Variants in NOP16 observed in about 807,000 individuals in gnomAD.
The protein encoded by NOP16 is nucleolar protein 16.
In NOP16, 14 loss-of-function variants were observed where a neutral mutation model predicts 22.7. That is an observed-to-expected ratio of 0.62 (90% CI 0.41 to 0.97). The LOEUF is 0.97. NOP16 is among the 50% of genes least tolerant of loss of function. NOP16 has a pLI of 0.00. For missense variants in NOP16, 198 were observed against 235.9 expected (o/e 0.84, Z 1.05); for synonymous variants, 80 against 83.6 (o/e 0.96, Z 0.23).
chr5:176,383,950 A>G lies in NOP16; in HGVS notation c.*281T>C. On this transcript the variant is annotated 3_prime_UTR_variant, in exon 5 of 5. Transcript: ENST00000614830. ...AATACAAAATCATCAGAGAAGTAAA[A>G]TATATTTGCTTTATTATGTACACAC... 6.7e-7 allele frequency: 1 copy of G among 1,488,838 alleles called. No homozygotes were observed. The highest frequency in any genetic ancestry group is 8.9e-7 in the Non-Finnish European group (1 of 1,126,184). The allele number at this position is 1,488,838 out of a possible 1,614,324, so 92.2% of individuals were successfully genotyped here.
chr5:176,386,490 G>A (rs981154285), intron 3 of NOP16: 2 of 368,636 alleles, frequency 5.4e-6, no homozygotes, highest in African/African-American at 4.2e-5. Flanking sequence ...TTTGTCATTG[G>A]AACATTTATT....
chr5:176,388,093 G>T, intron 2 of NOP16, 142 bp downstream of exon 2: 1 of 632,888 alleles, frequency 1.6e-6, no homozygotes, highest in Non-Finnish European at 2.8e-6. Flanking sequence ...CTCAACGTCA[G>T]TTGAGCGTTC....
chr5:176,386,724 A>G, intron 3 of NOP16, 116 bp downstream of exon 3: 1 of 888,342 alleles, frequency 1.1e-6, no homozygotes, highest in Non-Finnish European at 1.9e-6. Flanking sequence ...GAACCAGCTC[A>G]CTTCTCCCCT....
At chr5:176,385,750 G>T (rs1755791673) in intron 3 of NOP16, among the ~76,000 whole-genome samples, 1 of 152,174 alleles carries the variant, frequency 6.6e-6, no homozygotes, top group East Asian at 1.9e-4. Flanking sequence ...AAATGGGACG[G>T]TCTAAATACA....
chr5:176,388,276 C>T lies in NOP16; in HGVS notation c.175G>A (p.Ala59Thr). 6.2e-7 allele frequency: 1 copy of T among 1,614,154 alleles called. No homozygotes were observed. Among genetic ancestry groups the T allele is most frequent in the South Asian group, 1.1e-5 (1 of 91,090 alleles). The change falls in exon 2 of 5, where the codon GCT (alanine) becomes ACT (threonine). Residue 59 changes from alanine to threonine, a missense_variant. Physicochemically the swap from Ala to Thr is moderately conservative, Grantham distance 58. Transcript: ENST00000614830. ...GGCACCGCCCTGTTGGGGTCCACAG[C>T]CAACCCCATCTCGGCCAGGTTCTGC... The part of the protein sequence containing the change: ...VRQNLAEMGL[A>T]VDPNRAVPLR...
At position 176,385,255 on chromosome 5, in the gene NOP16, C is replaced by CGG. The variant is rs1755743948; in HGVS notation, c.358_359insCC (p.Arg120ProfsTer5). ...CTCCCCGTGGTTCTCTACCATGTAG[C>CGG]GTACATAGTCAATGAGGTCCCGAGA... On this transcript the variant is annotated frameshift_variant, in exon 4 of 5. Transcript: ENST00000614830. LOFTEE classifies it high-confidence loss of function. 4 of 1,610,906 alleles carry CGG rather than the reference C, an allele frequency of 2.5e-6. No individual in the cohort carries two copies. The highest frequency in any genetic ancestry group is 3.4e-6 in the Non-Finnish European group (4 of 1,177,114).
intron 4 of NOP16, 95 bp downstream of exon 4, chr5:176,385,126 A>G (rs781322768): frequency 1.3e-6 from 1 of 784,606 alleles, no homozygotes. Flanking sequence ...CTTTCTTTGC[A>G]CTCGGTTTCA....
chr5:176,388,091 C>T (rs769718540), intron 2 of NOP16, 144 bp downstream of exon 2: 2 of 626,426 alleles, frequency 3.2e-6, no homozygotes, highest in Non-Finnish European at 5.7e-6. Context: ...TGCTCAACGT[C>T]AGTTGAGCGT....
intron 4 of NOP16, 182 bp from the exon 5 acceptor site, chr5:176,384,556 G>A (rs879266394): frequency 1.6e-6 from 1 of 622,962 alleles, no homozygotes; most frequent in Non-Finnish European, 2.7e-6. Context: ...GGAGGCCGAG[G>A]TGGGAGGATC....
intron 3 of NOP16, 172 bp downstream of exon 3, chr5:176,386,668 A>G (rs750599831): frequency 1.4e-5 from 10 of 710,824 alleles, no homozygotes; most frequent in African/African-American, 1.7e-5. Flanking sequence ...AGTCAGTACA[A>G]TGAAAAATGA....
chr5:176,385,452 T>C, intron 3 of NOP16, 125 bp from the exon 4 acceptor site: 2 of 639,074 alleles, frequency 3.1e-6, no homozygotes, highest in Non-Finnish European at 5.6e-6. Flanking sequence ...CACCTGGGGG[T>C]CTTTGCCTCC....
chr5:176,387,373 T>C (rs1419538566), intron 2 of NOP16, among the ~76,000 whole-genome samples: 1 of 152,228 alleles, frequency 6.6e-6, no homozygotes, highest in Non-Finnish European at 1.5e-5. Flanking sequence ...ACTTTGTGTT[T>C]TGTTCTCTAT....
In NOP16 at chr5:176,384,254, T is replaced by G. The variant is rs556727834; in HGVS notation, c.514A>C (p.Lys172Gln). 80 of 1,614,190 alleles carry G rather than the reference T, an allele frequency of 5.0e-5. No homozygotes were observed. Among genetic ancestry groups the G allele is most frequent in the Non-Finnish European group, 6.3e-5 (74 of 1,180,020 alleles). Residue 172 changes from lysine (K) to glutamine (Q), a missense_variant, in exon 5 of 5, where the codon AAG becomes CAG. Transcript: ENST00000614830. ...EWQDFLDSLQ[K>Q]RKMEVE ...AGTCACTCCACCTCCATCTTCCTCT[T>G]CTGCAAAGAATCGAGGAAGTCTTGC... is the stretch of plus-strand genomic sequence containing the variant.
rs373443716 is a variant in NOP16 at position 176,387,165 on chromosome 5, C to G, written c.217-256G>C. ...GTGGCACAATCTTGGTTGACTGCAA[C>G]CTCCCCCCGGGTTCAAGTGATCTCC... On this transcript the variant is annotated intron_variant, in intron 2 of 4. Transcript: ENST00000614830. 2.0e-5 allele frequency among the ~76,000 whole-genome samples: 3 copies of G among 151,976 alleles called. No homozygotes were observed. In the East Asian group the frequency reaches 5.8e-4, roughly 29 times the overall value.
intron 1 of NOP16, 45 bp from the exon 2 acceptor site, chr5:176,388,388 G>A (rs779424803): frequency 6.2e-7 from 1 of 1,612,296 alleles, no homozygotes; most frequent in Non-Finnish European, 8.5e-7. Flanking sequence ...CTCGCGGACC[G>A]TCCCGGCCGA....
At chr5:176,384,518 G>T in intron 4 of NOP16, 144 bp from the exon 5 acceptor site, 1 of 772,658 alleles carries the variant, frequency 1.3e-6, no homozygotes, top group Non-Finnish European at 2.1e-6. Flanking sequence ...CGGGCACAGT[G>T]GCTCATGCCT....
In NOP16 at chr5:176,385,342, G is replaced by A; in HGVS notation, c.287-15C>T. On this transcript the variant is annotated splice_polypyrimidine_tract_variant and intron_variant, in intron 3 of 4. Coordinates refer to ENST00000614830, the MANE Select transcript of NOP16 (RefSeq NM_016391.8). ...TGCCTCCAGGTCTGGAGTGATGAGAGAAGCGGGGAGACAGGGAATGAGGCT... is the reference window on the plus strand; with the variant it reads ...TGCCTCCAGGTCTGGAGTGATGAGAAAAGCGGGGAGACAGGGAATGAGGCT... 1 of 1,425,170 alleles carries A rather than the reference G, an allele frequency of 7.0e-7. No individual in the cohort carries two copies. Among genetic ancestry groups the A allele is most frequent in the Non-Finnish European group, 9.9e-7 (1 of 1,007,490 alleles). The allele number at this position is 1,425,170 out of a possible 1,614,324, so 88.3% of individuals were successfully genotyped here.
intron 4 of NOP16, 104 bp from the exon 5 acceptor site, chr5:176,384,478 A>T: frequency 8.6e-7 from 1 of 1,165,866 alleles, no homozygotes; most frequent in Admixed American, 2.2e-5. Flanking sequence ...CCTGAGGTCC[A>T]GAATCCTGAC....
chr5:176,384,668 G>C, intron 4 of NOP16: 1 of 436,590 alleles, frequency 2.3e-6, no homozygotes, highest in Non-Finnish European at 4.1e-6. Context: ...TACTTGGGAG[G>C]CCGAGGCAGG....
Sources: allele counts gnomAD v4.1 joint callset (sites outside exome capture counted in the v4.1 genomes callset), GRCh38; gene constraint gnomAD v4.1.1; transcripts MANE v1.5; gene names NCBI Gene and HGNC (gene_info 2026-07-23, HGNC 2026-07-21).